The following GRK5 variants were observed in gnomAD, a reference collection of about 807,000 sequenced individuals.
GRK5 encodes the protein g protein-coupled receptor kinase GRK5.
A neutral mutation model predicts 78.4 loss-of-function variants in GRK5; 40 were observed. That is an observed-to-expected ratio of 0.51 (90% CI 0.40 to 0.66). The LOEUF is 0.66. Among genes scored for constraint, GRK5 ranks in the 30% least tolerant of loss-of-function variants. The pLI, the probability that GRK5 is intolerant of heterozygous loss-of-function variation, is 0.00. For missense variants in GRK5, 598 were observed against 759.9 expected (o/e 0.79, Z 2.50); for synonymous variants, 289 against 296.8 (o/e 0.97, Z 0.27).
At chr10:119,365,085 G>A (rs1303500211) in intron 2 of GRK5, among the ~76,000 whole-genome samples, 1 of 152,156 alleles carries the variant, frequency 6.6e-6, no homozygotes, top group Non-Finnish European at 1.5e-5. Context: ...GAGCAGCAGC[G>A]CCCCAGGCTG....
At chr10:119,281,272 G>A (rs1253083291) in intron 1 of GRK5, among the ~76,000 whole-genome samples, 1 of 151,870 alleles carries the variant, frequency 6.6e-6, no homozygotes, top group Non-Finnish European at 1.5e-5. Context: ...TGCACATGCT[G>A]CCTTCACTGC....
intron 3 of GRK5, among the ~76,000 whole-genome samples, chr10:119,391,706 G>T (rs1851890827): frequency 6.6e-6 from 1 of 152,230 alleles, no homozygotes; most frequent in African/African-American, 2.4e-5. Flanking sequence ...GAGAGGGCTA[G>T]AGGGGCTCTG....
chr10:119,357,194 G>T (rs1410455617), intron 2 of GRK5, among the ~76,000 whole-genome samples: 3 of 152,378 alleles, frequency 2.0e-5, no homozygotes, highest in African/African-American at 7.2e-5. Flanking sequence ...ACAGAGCAGG[G>T]CTGGGTAAGG....
At position 119,431,384 on chromosome 10, in the gene GRK5, C is replaced by A. The variant is rs1360449707; in HGVS notation, c.598-3C>A. The A allele has an allele frequency of 6.2e-7, 1 of 1,612,110 alleles. No homozygotes were observed. Among genetic ancestry groups the A allele is most frequent in the Non-Finnish European group, 8.5e-7 (1 of 1,178,856 alleles). ...CCACCCTGGTTTCTTTCTTGCACTG[C>A]AGGTCTGTGCCTGCCAGGTTCGGGC... On this transcript the variant is annotated splice_polypyrimidine_tract_variant and splice_region_variant and intron_variant, in intron 7 of 15. Coordinates refer to ENST00000392870, the MANE Select transcript of GRK5 (RefSeq NM_005308.3). This position sits in a 1 kb window ranked among gnomAD's most constrained non-coding sequence, Gnocchi z 4.8.
chr10:119,447,977 C>T, intron 12 of GRK5, 146 bp from the exon 13 acceptor site: 1 of 964,422 alleles, frequency 1.0e-6, no homozygotes. Flanking sequence ...CACGCCAAGA[C>T]TCAGAGGCAG....
At position 119,280,023 on chromosome 10, in the gene GRK5, G is replaced by A. The variant is rs184484839; in HGVS notation, c.53-46493G>A. ...CCCAGTGCCCAGAGTATTGCACTGG[G>A]GCCAGAATGGGAAGAGCCCTGAATA... is the stretch of plus-strand genomic sequence containing the variant. On this transcript the variant is annotated intron_variant, in intron 1 of 15. Transcript: ENST00000392870. Among the ~76,000 whole-genome samples the A allele has an allele frequency of 9.9e-5, 15 of 152,160 alleles. No individual in the cohort carries two copies. The East Asian group carries it at 2.9e-3, about 29-fold the overall frequency.
At chr10:119,361,224 T>C (rs912488342) in intron 2 of GRK5, among the ~76,000 whole-genome samples, 5 of 152,130 alleles carry the variant, frequency 3.3e-5, no homozygotes, top group African/African-American at 1.2e-4. Context: ...GCATCAGAGG[T>C]GCGGCTCATG....
chr10:119,291,753 C>T (rs111068419), intron 1 of GRK5, among the ~76,000 whole-genome samples: 73 of 150,138 alleles, frequency 4.9e-4, no homozygotes, highest in African/African-American at 1.7e-3. Flanking sequence ...CCTCTTCATC[C>T]TCTTCCTCAT....
chr10:119,270,056 T>A (rs1849561739), intron 1 of GRK5, among the ~76,000 whole-genome samples: 1 of 152,160 alleles, frequency 6.6e-6, no homozygotes, highest in African/African-American at 2.4e-5. Flanking sequence ...TCCCGTGCTC[T>A]CCTCTCCACA....
chr10:119,262,118 A>T (rs909062245), intron 1 of GRK5, among the ~76,000 whole-genome samples: 2 of 152,022 alleles, frequency 1.3e-5, no homozygotes, highest in Admixed American at 6.5e-5. Flanking sequence ...GTGTTGTCAG[A>T]TGTACGTGTG....
At chr10:119,358,239 G>A (rs546488342) in intron 2 of GRK5, among the ~76,000 whole-genome samples, 2 of 152,164 alleles carry the variant, frequency 1.3e-5, no homozygotes, top group Non-Finnish European at 2.9e-5. Flanking sequence ...TGCATGGCTG[G>A]TCCTAGCTCG....
chr10:119,452,845 GA>G lies in GRK5; in HGVS notation c.1542+38del. On this transcript the variant is annotated intron_variant, in intron 14 of 15. Transcript: ENST00000392870. This position sits in a 1 kb window ranked among gnomAD's most constrained non-coding sequence, Gnocchi z 4.4. ...AGACCACTTGCTTTGGTCTGGGTGGGAGGGAGGGACTGACGGGTGGAAGGAG... is the reference window on the plus strand; with the variant it reads ...AGACCACTTGCTTTGGTCTGGGTGGGGGGAGGGACTGACGGGTGGAAGGAG... The G allele has an allele frequency of 8.1e-7, 1 of 1,231,440 alleles. No homozygotes were observed. The allele number at this position is 1,231,440 out of a possible 1,614,324, so 76.3% of individuals were successfully genotyped here. A position where few individuals can be genotyped will look rare whatever the true frequency, so the allele number is the denominator to read the frequency against.
chr10:119,431,418 A>G lies in GRK5; in HGVS notation c.629A>G (p.Lys210Arg), dbSNP rs1240482113. The change falls in exon 8 of 16, where the codon AAA becomes AGA. Residue 210 changes from lysine to arginine, a missense_variant. Lys to Arg is a conservative substitution (Grantham distance 26). Coordinates refer to ENST00000392870, the MANE Select transcript of GRK5 (RefSeq NM_005308.3). This position sits in a 1 kb window ranked among gnomAD's most constrained non-coding sequence, Gnocchi z 4.8. ...VCACQVRATG[K>R]MYACKRLEKK... ...GCCTGCCAGGTTCGGGCCACGGGTA[A>G]AATGTATGCCTGCAAGCGCTTGGAG... is the stretch of plus-strand genomic sequence containing the variant. 1 of 1,613,902 alleles carries G rather than the reference A, an allele frequency of 6.2e-7. No homozygotes were observed. Among genetic ancestry groups the G allele is most frequent in the Admixed American group, 1.7e-5 (1 of 59,998 alleles).
At chr10:119,286,817 C>T (rs1033313368) in intron 1 of GRK5, among the ~76,000 whole-genome samples, 5 of 152,028 alleles carry the variant, frequency 3.3e-5, no homozygotes, top group African/African-American at 4.8e-5. Flanking sequence ...GGATGAAGGC[C>T]GATTGTTTTT....
At chr10:119,429,655 C>T (rs1852775800) in intron 6 of GRK5, among the ~76,000 whole-genome samples, 1 of 151,654 alleles carries the variant, frequency 6.6e-6, no homozygotes, top group Non-Finnish European at 1.5e-5. Context: ...AGTTGGAAGA[C>T]GCGAGGTGAT....
At chr10:119,377,639 G>T (rs779435709) in intron 2 of GRK5, among the ~76,000 whole-genome samples, 6 of 152,126 alleles carry the variant, frequency 3.9e-5, no homozygotes, top group Non-Finnish European at 8.8e-5. Context: ...TGTTGGAATC[G>T]CATGGTGTTT....
At chr10:119,234,818 G>A (rs1040988253) in intron 1 of GRK5, among the ~76,000 whole-genome samples, 23 of 149,416 alleles carry the variant, frequency 1.5e-4, no homozygotes, top group Non-Finnish European at 2.4e-4. Flanking sequence ...TCAGCCTCCC[G>A]AATACCTGGG....
At chr10:119,278,060 T>C (rs1228082261) in intron 1 of GRK5, among the ~76,000 whole-genome samples, 1 of 152,230 alleles carries the variant, frequency 6.6e-6, no homozygotes, top group Non-Finnish European at 1.5e-5. Flanking sequence ...GAGTAAATAC[T>C]TAGGAACATC....
In GRK5 at chr10:119,217,620, G is replaced by A. The variant is rs1297719312; in HGVS notation, c.52+9651G>A. Among the ~76,000 whole-genome samples, 1 of 152,204 alleles carries A rather than the reference G, an allele frequency of 6.6e-6. No individual in the cohort carries two copies. ...AGGGACTGGATGTGAAGCCCCATGG[G>A]TGGTGGTGGTGGGGACAGTCATGGG... On this transcript the variant is annotated intron_variant, in intron 1 of 15. Coordinates refer to ENST00000392870, the MANE Select transcript of GRK5 (RefSeq NM_005308.3). This position sits in a 1 kb window ranked among gnomAD's most constrained non-coding sequence, Gnocchi z 4.1.
Sources: gnomAD v4.1 joint callset for allele counts (sites outside exome capture counted in the v4.1 genomes callset) on GRCh38, gnomAD v4.1.1 for gene constraint, Gnocchi (gnomAD v3.1) non-coding constraint, MANE v1.5 for transcripts, NCBI Gene and HGNC (gene_info 2026-07-23, HGNC 2026-07-21) for gene names.